Variants in UGGT1 observed in about 807,000 individuals in gnomAD.
The protein encoded by UGGT1 is UDP-glucose:glycoprotein glucosyltransferase 1.
A neutral mutation model predicts 203.9 loss-of-function variants in UGGT1; 107 were observed. The observed-to-expected ratio is 0.52, with a 90% confidence interval of 0.45 to 0.62. The LOEUF (loss-of-function observed/expected upper bound fraction) is 0.62, where lower values mean the gene tolerates loss of function less well. Ranked by LOEUF, UGGT1 falls within the 20% of genes least tolerant of loss-of-function variation. The probability of loss-of-function intolerance (pLI) is 0.00; values close to 1 mark genes in which losing one functional copy is unlikely to be tolerated. For missense variants in UGGT1, 1,673 were observed against 1,867.2 expected (o/e 0.90, Z 1.92); for synonymous variants, 628 against 653.5 (o/e 0.96, Z 0.59).
At chr2:128,170,572 C>G (rs1411878519) in intron 27 of UGGT1, among the ~76,000 whole-genome samples, 182 bp downstream of exon 27, 1 of 152,122 alleles carries the variant, frequency 6.6e-6, no homozygotes, top group Non-Finnish European at 1.5e-5. Context: ...CCTCACAGCC[C>G]TAGAAAGTTG....
rs538507225 is a variant in UGGT1, at chr2:128,096,384, G to A, written c.59-1045G>A. 1.2e-4 allele frequency among the ~76,000 whole-genome samples: 19 copies of A among 152,352 alleles called. No homozygotes were observed. The East Asian group carries it at 2.9e-3, about 23-fold the overall frequency. On this transcript the variant is annotated intron_variant, in intron 1 of 40. Transcript: ENST00000259253. ...AGATATTTACTGTCTCACAGTGCTAGAAATCCTTACTCAGGGTTTCACAGG... is the reference window on the plus strand; with the variant it reads ...AGATATTTACTGTCTCACAGTGCTAAAAATCCTTACTCAGGGTTTCACAGG...
At chr2:128,117,025 C>T (rs766184855) in intron 8 of UGGT1, among the ~76,000 whole-genome samples, 8 of 151,836 alleles carry the variant, frequency 5.3e-5, no homozygotes, top group Non-Finnish European at 1.0e-4. Flanking sequence ...AGCAAAAATG[C>T]GAAATAGATA....
intron 28 of UGGT1, 91 bp downstream of exon 28, chr2:128,171,375 G>T (rs1691093909): frequency 3.4e-6 from 4 of 1,193,794 alleles, no homozygotes; most frequent in African/African-American, 3.1e-5. Flanking sequence ...GGATTTATAG[G>T]TGGACATCAT....
chr2:128,152,176 A>ATT, intron 18 of UGGT1, among the ~76,000 whole-genome samples: 1 of 143,586 alleles, frequency 7.0e-6, no homozygotes, highest in East Asian at 2.0e-4. Context: ...ACCTTTTCCT[A>ATT]TTTTTTTTTT....
intron 37 of UGGT1, 152 bp from the exon 38 acceptor site, chr2:128,183,523 G>A (rs1691815786): frequency 1.7e-6 from 1 of 582,784 alleles, no homozygotes; most frequent in African/African-American, 1.9e-5. Context: ...GATCTTTAAA[G>A]TAGCACACTT....
At chr2:128,147,966 G>A (rs946208971) in intron 18 of UGGT1, among the ~76,000 whole-genome samples, 1 of 152,156 alleles carries the variant, frequency 6.6e-6, no homozygotes, top group African/African-American at 2.4e-5. Flanking sequence ...ATAATATAAT[G>A]TGACACTTCT....
At chr2:128,169,884 A>AT (rs1691008460) in intron 26 of UGGT1, among the ~76,000 whole-genome samples, 1 of 151,982 alleles carries the variant, frequency 6.6e-6, no homozygotes, top group African/African-American at 2.4e-5. Flanking sequence ...TTGTGATTAT[A>AT]TTTTTCCTTT....
chr2:128,101,903 G>A (rs112207096), intron 2 of UGGT1, among the ~76,000 whole-genome samples: 9 of 152,228 alleles, frequency 5.9e-5, no homozygotes, highest in African/African-American at 2.2e-4. Context: ...TATCTTGTGG[G>A]CATTCATTCT....
rs920603135 is a variant in UGGT1 at position 128,162,543 on chromosome 2, C to T, written c.2825+1275C>T. Among the ~76,000 whole-genome samples the T allele has an allele frequency of 2.6e-5, 4 of 152,110 alleles. No individual in the cohort carries two copies. The East Asian group carries it at 5.8e-4, about 22-fold the overall frequency. On this transcript the variant is annotated intron_variant, in intron 25 of 40. Coordinates refer to ENST00000259253, the MANE Select transcript of UGGT1 (RefSeq NM_020120.4). ...TGACTTGGATAGCTGTCAAAGTCAGCTGTTGCCATGTCTTGTATGACCTGG... is the reference window on the plus strand; with the variant it reads ...TGACTTGGATAGCTGTCAAAGTCAGTTGTTGCCATGTCTTGTATGACCTGG...
chr2:128,113,008 G>A, intron 5 of UGGT1, 76 bp from the exon 6 acceptor site: 3 of 1,297,272 alleles, frequency 2.3e-6, no homozygotes, highest in Non-Finnish European at 3.1e-6. Flanking sequence ...TTTCATAACT[G>A]TACTTTATAT....
At chr2:128,164,615 A>G (rs1267390120) in intron 25 of UGGT1, 115 bp from the exon 26 acceptor site, 1 of 818,402 alleles carries the variant, frequency 1.2e-6, no homozygotes, top group Non-Finnish European at 2.1e-6. Flanking sequence ...CGGACTTTAT[A>G]CCTTGTTCAA....
chr2:128,127,523 C>A, intron 12 of UGGT1, 71 bp downstream of exon 12: 2 of 1,188,756 alleles, frequency 1.7e-6, no homozygotes, highest in Admixed American at 1.9e-5. Flanking sequence ...GTTCATATTG[C>A]CGTTCCTTCT....
Position 128,183,672 on chromosome 2 carries a change from C to T in UGGT1, c.4245-3C>T. On this transcript the variant is annotated splice_polypyrimidine_tract_variant and splice_region_variant and intron_variant, in intron 37 of 40. Transcript: ENST00000259253. Reference sequence around the variant, plus strand: ...TTGTAACAAGCGGGTCTTCTTTATTCAGTGCACTATATGTTGTGGATCTGA... The same window carrying T: ...TTGTAACAAGCGGGTCTTCTTTATTTAGTGCACTATATGTTGTGGATCTGA... 3.1e-6 allele frequency: 5 copies of T among 1,610,286 alleles called. No homozygotes were observed. The highest frequency in any genetic ancestry group is 4.2e-6 in the Non-Finnish European group (5 of 1,176,738).
intron 4 of UGGT1, among the ~76,000 whole-genome samples, chr2:128,108,426 AG>A (rs1294804231): frequency 6.6e-6 from 1 of 152,174 alleles, no homozygotes; most frequent in African/African-American, 2.4e-5. Flanking sequence ...GCATCACCAC[AG>A]GGATGCAGTC....
intron 1 of UGGT1, among the ~76,000 whole-genome samples, chr2:128,095,470 CTCCTCCTCCTCT>C (rs757706626): frequency 1.5e-5 from 2 of 137,616 alleles, no homozygotes; most frequent in African/African-American, 2.7e-5. Flanking sequence ...TTTCCTCTTC[CTCCTCCTCCTCT>C]TCCTCCTCCT....
chr2:128,155,446 T>C (rs371018999), intron 19 of UGGT1, 43 bp from the exon 20 acceptor site: 3 of 1,419,120 alleles, frequency 2.1e-6, no homozygotes, highest in African/African-American at 2.8e-5. Context: ...TAAGAATAGA[T>C]TGAACTGGAA....
rs142821357 is a variant in UGGT1 at position 128,104,630 on chromosome 2, T to C, written c.277+616T>C. Among the ~76,000 whole-genome samples the C allele has an allele frequency of 4.6e-5, 7 of 152,288 alleles. No homozygotes were observed. The East Asian group carries it at 9.6e-4, about 21-fold the overall frequency. On this transcript the variant is annotated intron_variant, in intron 3 of 40. Coordinates refer to ENST00000259253, the MANE Select transcript of UGGT1 (RefSeq NM_020120.4). ...GAATATTAATTTACATTGACAGATA[T>C]AGGTTATTATTATTTTTTTTTAATT...
At chr2:128,138,304 G>C (rs761459966) in intron 15 of UGGT1, among the ~76,000 whole-genome samples, 43 of 152,136 alleles carry the variant, frequency 2.8e-4, no homozygotes, top group Non-Finnish European at 5.3e-4. Flanking sequence ...TGGATCACCT[G>C]AGGTCAGGAG....
intron 11 of UGGT1, among the ~76,000 whole-genome samples, chr2:128,126,203 A>G (rs532530155): frequency 4.0e-5 from 6 of 151,000 alleles, no homozygotes; most frequent in Non-Finnish European, 5.9e-5. Flanking sequence ...TGGCCTCCCA[A>G]AGTGGTGGGA....
Sources: allele counts gnomAD v4.1 joint callset (sites outside exome capture counted in the v4.1 genomes callset), GRCh38; gene constraint gnomAD v4.1.1; transcripts MANE v1.5; gene names NCBI Gene and HGNC (gene_info 2026-07-23, HGNC 2026-07-21).